The following KPNA7 variants were observed in gnomAD, a reference collection of about 807,000 sequenced individuals.
KPNA7 encodes the protein karyopherin subunit alpha 7.
In KPNA7, 54 loss-of-function variants were observed where a neutral mutation model predicts 53.7. The ratio of observed to expected loss-of-function variants is 1.01; its 90% confidence interval spans 0.81 to 1.26. The LOEUF (loss-of-function observed/expected upper bound fraction) is 1.26. KPNA7 is among the 50% of genes most tolerant of loss of function. KPNA7 has a pLI of 0.00. For synonymous variants in KPNA7, 276 were observed against 259.3 expected (o/e 1.06, Z -0.62); for missense variants, 640 against 644.5 (o/e 0.99, Z 0.07).
rs190873685 is a variant in KPNA7 at position 99,178,278 on chromosome 7, A to G, written c.1318-212T>C. ...TATCCACGATATATAGACATATATC[A>G]TAAATATAGGGCCGGGCGCAGTGTC... is the stretch of plus-strand genomic sequence containing the variant. On this transcript the variant is annotated intron_variant, in intron 9 of 10. Coordinates refer to ENST00000327442, the MANE Select transcript of KPNA7 (RefSeq NM_001145715.3). Among the ~76,000 whole-genome samples, 4 of 152,290 alleles carry G rather than the reference A, an allele frequency of 2.6e-5. No homozygotes were observed. In the East Asian group the frequency reaches 5.8e-4, roughly 22 times the overall value.
chr7:99,180,617 ATCTCTCTCTCCCCGTC>A lies in KPNA7; in HGVS notation c.1317+1250_1317+1265del, dbSNP rs1344011011. 5.4e-4 allele frequency among the ~76,000 whole-genome samples: 65 copies of A among 121,006 alleles called. 7 individuals are homozygous for A. Among genetic ancestry groups the A allele is most frequent in the Non-Finnish European group, 9.5e-4 (54 of 56,776 alleles). The allele number at this position is 121,006 out of a possible 152,430, so 79.4% of individuals were successfully genotyped here. ...TCTCTCCGTCTCTGTCTCTCTCCCC[ATCTCTCTCTCCCCGTC>A]TCTCTCTCCGTCTCTGTCTCTCTCT... On this transcript the variant is annotated intron_variant, in intron 9 of 10. Coordinates refer to ENST00000327442, the MANE Select transcript of KPNA7 (RefSeq NM_001145715.3).
At chr7:99,174,126 T>A (rs548434190) in intron 10 of KPNA7, among the ~76,000 whole-genome samples, 1 of 152,054 alleles carries the variant, frequency 6.6e-6, no homozygotes, top group Non-Finnish European at 1.5e-5. Context: ...CCACTCCCCA[T>A]CACTCGCATT....
intron 1 of KPNA7, among the ~76,000 whole-genome samples, chr7:99,213,393 C>T (rs1407788332): frequency 7.6e-6 from 1 of 132,266 alleles, no homozygotes; most frequent in Non-Finnish European, 1.5e-5. Flanking sequence ...TCCCAAAGTG[C>T]TAGGATTACA....
chr7:99,185,744 A>T (rs181460585), intron 7 of KPNA7, among the ~76,000 whole-genome samples: 192 of 152,260 alleles, frequency 1.3e-3, no homozygotes, highest in Non-Finnish European at 1.4e-3. Context: ...TGGACTTTTC[A>T]TATGCTTTCA....
chr7:99,213,618 A>C (rs1791132492), intron 1 of KPNA7, among the ~76,000 whole-genome samples: 2 of 151,570 alleles, frequency 1.3e-5, no homozygotes, highest in Non-Finnish European at 2.9e-5. Context: ...TAATTTTTTA[A>C]ATTTTTTGTA....
At chr7:99,214,270 A>C (rs995751578) in intron 1 of KPNA7, among the ~76,000 whole-genome samples, 6 of 147,274 alleles carry the variant, frequency 4.1e-5, no homozygotes, top group African/African-American at 7.9e-5. Context: ...GTCTCTACTA[A>C]AAATATACAA....
intron 2 of KPNA7, among the ~76,000 whole-genome samples, chr7:99,205,208 G>A (rs1326238995): frequency 6.6e-6 from 1 of 151,528 alleles, no homozygotes; most frequent in Non-Finnish European, 1.5e-5. Context: ...GGGATCATGA[G>A]GTCAGAAGAT....
At chr7:99,173,958 A>ACCAC (rs145250441) in intron 10 of KPNA7, among the ~76,000 whole-genome samples, 164 bp from the exon 11 acceptor site, 2,013 of 152,166 alleles carry the variant, frequency 0.013, 42 homozygotes, top group African/African-American at 0.045. Context: ...AACCATCACC[A>ACCAC]CCACCCACCT....
chr7:99,184,004 C>T (rs1215194724), intron 8 of KPNA7, among the ~76,000 whole-genome samples: 1 of 151,832 alleles, frequency 6.6e-6, no homozygotes, highest in African/African-American at 2.4e-5. Flanking sequence ...CCCACCACCA[C>T]ACCTGGCTAA....
intron 3 of KPNA7, among the ~76,000 whole-genome samples, chr7:99,199,278 G>A (rs1478329023): frequency 6.6e-6 from 1 of 151,792 alleles, no homozygotes; most frequent in Non-Finnish European, 1.5e-5. Flanking sequence ...AATACAAAGG[G>A]TCCAGAATAG....
intron 10 of KPNA7, among the ~76,000 whole-genome samples, chr7:99,175,693 T>C (rs1584256207): frequency 6.6e-6 from 1 of 151,808 alleles, no homozygotes; most frequent in East Asian, 2.0e-4. Context: ...TTTGTATTTT[T>C]AGTAGAGACA....
intron 1 of KPNA7, among the ~76,000 whole-genome samples, chr7:99,218,459 GACA>G (rs1444102932): frequency 6.6e-6 from 1 of 152,146 alleles, no homozygotes; most frequent in African/African-American, 2.4e-5. Flanking sequence ...TCCCACAGGT[GACA>G]ACATCCCGGG....
chr7:99,165,033 C>T, the KPNA7 span, among the ~76,000 whole-genome samples: 1 of 152,076 alleles, frequency 6.6e-6, no homozygotes, highest in Non-Finnish European at 1.5e-5. Context: ...CCCAGCTACT[C>T]AGGAGGCTGA....
chr7:99,157,316 T>C, the KPNA7 span, among the ~76,000 whole-genome samples: 1 of 152,122 alleles, frequency 6.6e-6, no homozygotes, highest in Non-Finnish European at 1.5e-5. Flanking sequence ...TTCAAGCGAT[T>C]CTCCTGCCTC....
chr7:99,216,951 G>C (rs1791234947), intron 1 of KPNA7, among the ~76,000 whole-genome samples: 1 of 152,128 alleles, frequency 6.6e-6, no homozygotes, highest in South Asian at 2.1e-4. Flanking sequence ...TCTGGTTGGG[G>C]CATTTCAGGC....
the KPNA7 span, among the ~76,000 whole-genome samples, chr7:99,149,504 A>G: frequency 5.9e-5 from 9 of 152,256 alleles, no homozygotes; most frequent in Non-Finnish European, 1.3e-4. Flanking sequence ...TAGCATTCCA[A>G]TACAGCAAGC....
chr7:99,170,424 G>C (rs1313183038), downstream of KPNA7, among the ~76,000 whole-genome samples: 1 of 151,792 alleles, frequency 6.6e-6, no homozygotes, highest in Non-Finnish European at 1.5e-5. Context: ...AATAAAGATG[G>C]AAAATAGAGA....
intron 9 of KPNA7, among the ~76,000 whole-genome samples, chr7:99,179,706 T>C (rs1327901869): frequency 6.6e-6 from 1 of 151,822 alleles, no homozygotes; most frequent in East Asian, 1.9e-4. Flanking sequence ...TGCCTCAGCC[T>C]CCCGAGTAGC....
chr7:99,177,428 A>T (rs543705129), intron 10 of KPNA7, among the ~76,000 whole-genome samples: 1 of 152,110 alleles, frequency 6.6e-6, no homozygotes, highest in South Asian at 2.1e-4. Context: ...ACTAAAGATT[A>T]GCTGGGCGTC....
Sources: gnomAD v4.1 joint callset for allele counts (sites outside exome capture counted in the v4.1 genomes callset) on GRCh38, gnomAD v4.1.1 for gene constraint, MANE v1.5 for transcripts, NCBI Gene and HGNC (gene_info 2026-07-23, HGNC 2026-07-21) for gene names.